The following PCNT variants were observed in gnomAD, a reference collection of about 807,000 sequenced individuals.
The protein encoded by PCNT is pericentrin, also known as kendrin.
PCNT carries 319 observed loss-of-function variants against 380.4 expected under a neutral mutation model. The observed-to-expected ratio is 0.84, with a 90% confidence interval of 0.77 to 0.92. The LOEUF is 0.92. Among genes scored for constraint, PCNT ranks in the 40% least tolerant of loss-of-function variants. The pLI is 0.00. For synonymous variants in PCNT, 1,845 were observed against 1,735.2 expected, an observed-to-expected ratio of 1.06 and a Z score of -1.57; for missense variants, 4,400 against 4,255.3, an observed-to-expected ratio of 1.03 and a Z score of -0.95.
intron 25 of PCNT, among the ~76,000 whole-genome samples, chr21:46,401,047 A>G (rs1477651981): frequency 6.6e-6 from 1 of 152,246 alleles, no homozygotes; most frequent in Non-Finnish European, 1.5e-5. Context: ...TGAGCTTAGT[A>G]GATGCCAGGG....
chr21:46,403,533 A>G (rs1426294574), intron 27 of PCNT, among the ~76,000 whole-genome samples: 1 of 118,330 alleles, frequency 8.5e-6, no homozygotes, highest in East Asian at 2.8e-4. Context: ...GTGCTCGGTG[A>G]ATGAACACAG....
At position 46,388,575 on chromosome 21, in the gene PCNT, A is replaced by C. The variant is rs2085919869; in HGVS notation, c.3465-167A>C. 6.6e-6 allele frequency among the ~76,000 whole-genome samples: 1 copy of C among 152,228 alleles called. No homozygotes were observed. The highest frequency in any genetic ancestry group is 2.1e-4 in the South Asian group (1 of 4,832). On this transcript the variant is annotated intron_variant, in intron 17 of 46. Transcript: ENST00000359568. The surrounding 1 kb of genome is among the most constrained non-coding windows in gnomAD (Gnocchi z 4.2). ...ACGTGGTTGTCTTGTCTGTGGCCTC[A>C]GCTTCCTGTGCTCACATGGGCATGA...
In PCNT at chr21:46,372,764, C is replaced by T. The variant is rs142532635; in HGVS notation, c.3165+5625C>T. 5.2e-3 allele frequency among the ~76,000 whole-genome samples: 795 copies of T among 152,284 alleles called. 24 individuals are homozygous for T. The highest frequency in any genetic ancestry group is 1.4e-3 in the South Asian group (7 of 4,830). ...AGGTTAGAAATGACTTGTTTCTTCA[C>T]GTGGACAGCTCTGGGTGCTGCCCAG... On this transcript the variant is annotated intron_variant, in intron 15 of 46. Coordinates refer to ENST00000359568, the MANE Select transcript of PCNT (RefSeq NM_006031.6).
At chr21:46,418,658 G>A (rs2087125026) in intron 31 of PCNT, among the ~76,000 whole-genome samples, 1 of 152,284 alleles carries the variant, frequency 6.6e-6, no homozygotes, top group Admixed American at 6.5e-5. Flanking sequence ...GTGTTCAGGT[G>A]TCTTTGGCAG....
rs577915127 is a variant in PCNT at position 46,327,674 on chromosome 21, C to T, written c.267+1085C>T. On this transcript the variant is annotated intron_variant, in intron 2 of 46. Coordinates refer to ENST00000359568, the MANE Select transcript of PCNT (RefSeq NM_006031.6). ...AGACTGGGAGTTCTTCGTGTGTGGT[C>T]GTGTCAGCCCCTTTGATGGGTGTTT... Among the ~76,000 whole-genome samples, 5 of 152,332 alleles carry T rather than the reference C, an allele frequency of 3.3e-5. No homozygotes were observed. In the South Asian group the frequency reaches 1.0e-3, roughly 32 times the overall value.
At chr21:46,413,981 AT>A (rs990819348) in intron 29 of PCNT, among the ~76,000 whole-genome samples, 2 of 137,642 alleles carry the variant, frequency 1.5e-5, no homozygotes, top group South Asian at 2.3e-4. Context: ...TGGCACCTTT[AT>A]TTTTTTTCTC....
intron 16 of PCNT, among the ~76,000 whole-genome samples, chr21:46,385,591 T>C (rs1460876625): frequency 2.0e-5 from 3 of 152,230 alleles, no homozygotes; most frequent in Non-Finnish European, 4.4e-5. Context: ...CTTTGCCGTA[T>C]TTTTATTAAA....
At chr21:46,432,348 C>G in intron 38 of PCNT, 133 bp downstream of exon 38, 1 of 826,554 alleles carries the variant, frequency 1.2e-6, no homozygotes, top group East Asian at 2.7e-5. Flanking sequence ...TGTGCCCTGA[C>G]GCTGGCACCA....
chr21:46,429,927 C>G, intron 35 of PCNT, 83 bp from the exon 36 acceptor site: 2 of 1,098,474 alleles, frequency 1.8e-6, no homozygotes, highest in Non-Finnish European at 2.8e-6. Context: ...CTCACGCCCC[C>G]ACGAGTCTGT....
chr21:46,410,276 G>T (rs1364231391), intron 27 of PCNT, among the ~76,000 whole-genome samples: 1 of 152,192 alleles, frequency 6.6e-6, no homozygotes, highest in African/African-American at 2.4e-5. Context: ...AAAGCCACAG[G>T]TTCATCCGGT....
At chr21:46,371,539 T>C (rs898616962) in intron 15 of PCNT, among the ~76,000 whole-genome samples, 2 of 152,178 alleles carry the variant, frequency 1.3e-5, no homozygotes, top group Admixed American at 6.6e-5. Flanking sequence ...TGTCAGAATA[T>C]GCGTAAGCAC....
intron 1 of PCNT, among the ~76,000 whole-genome samples, chr21:46,325,871 G>C (rs28640073): frequency 6.6e-6 from 1 of 152,120 alleles, no homozygotes; most frequent in Non-Finnish European, 1.5e-5. Flanking sequence ...TAGAACATCT[G>C]ATTCCATAAA....
At chr21:46,415,345 T>C (rs912184181) in intron 29 of PCNT, among the ~76,000 whole-genome samples, 15 of 149,746 alleles carry the variant, frequency 1.0e-4, no homozygotes, top group African/African-American at 3.5e-4. Context: ...GGGGCCCTCA[T>C]GACAGGAACG....
chr21:46,444,566 C>A, intron 45 of PCNT, 128 bp from the exon 46 acceptor site: 1 of 939,042 alleles, frequency 1.1e-6, no homozygotes, highest in Non-Finnish European at 1.6e-6. Context: ...CCAGAGTCAC[C>A]CATCCCCACG....
intron 30 of PCNT, 51 bp from the exon 31 acceptor site, chr21:46,418,153 C>T: frequency 8.7e-7 from 1 of 1,152,474 alleles, no homozygotes; most frequent in Non-Finnish European, 1.3e-6. Flanking sequence ...AAAGTCAGCG[C>T]TATGATGTAA....
At chr21:46,335,558 T>C (rs1480308885) in intron 3 of PCNT, among the ~76,000 whole-genome samples, 1 of 151,268 alleles carries the variant, frequency 6.6e-6, no homozygotes, top group Non-Finnish European at 1.5e-5. Context: ...TGGGTGCCAC[T>C]GCACTTCAGC....
chr21:46,338,169 C>T (rs558056071), intron 3 of PCNT, among the ~76,000 whole-genome samples: 14 of 152,074 alleles, frequency 9.2e-5, no homozygotes, highest in Admixed American at 3.9e-4. Flanking sequence ...TGAGCCACCT[C>T]GCCCACCCTA....
At chr21:46,344,465 C>T (rs747226711) in intron 3 of PCNT, among the ~76,000 whole-genome samples, 1 of 152,246 alleles carries the variant, frequency 6.6e-6, no homozygotes, top group Non-Finnish European at 1.5e-5. Context: ...TTGTGGAGCC[C>T]ACCATGCCGC....
intron 30 of PCNT, 146 bp downstream of exon 30, chr21:46,416,985 T>C: frequency 1.4e-6 from 1 of 719,330 alleles, no homozygotes; most frequent in Non-Finnish European, 2.2e-6. Context: ...ACTGGCATCA[T>C]GGGCGCATTT....
Sources: allele counts gnomAD v4.1 joint callset (sites outside exome capture counted in the v4.1 genomes callset), GRCh38; gene constraint gnomAD v4.1.1; non-coding constraint Gnocchi (gnomAD v3.1); transcripts MANE v1.5; gene names NCBI Gene and HGNC (gene_info 2026-07-23, HGNC 2026-07-21).